PCLO: variants seen among roughly 807,000 people sequenced by gnomAD.
PCLO encodes the protein piccolo presynaptic cytomatrix protein.
In PCLO, 82 loss-of-function variants were observed where a neutral mutation model predicts 427.5. The ratio of observed to expected loss-of-function variants is 0.19; its 90% confidence interval spans 0.16 to 0.23. The LOEUF (loss-of-function observed/expected upper bound fraction) is 0.23, where lower values mean the gene tolerates loss of function less well. Ranked by LOEUF, PCLO falls within the 10% of genes least tolerant of loss-of-function variation. PCLO has a pLI of 1.00. For synonymous variants in PCLO, 2,357 were observed against 2,155.4 expected, an observed-to-expected ratio of 1.09 and a Z score of -2.59; for missense variants, 6,239 against 6,115.9, an observed-to-expected ratio of 1.02 and a Z score of -0.67.
At chr7:83,122,153 C>T (rs1247995750) in intron 3 of PCLO, among the ~76,000 whole-genome samples, 1 of 152,098 alleles carries the variant, frequency 6.6e-6, no homozygotes, top group Non-Finnish European at 1.5e-5. Flanking sequence ...AGAAGGAACA[C>T]ACCACGACAC....
At chr7:83,092,247 G>A (rs1358644051) in intron 3 of PCLO, among the ~76,000 whole-genome samples, 1 of 152,046 alleles carries the variant, frequency 6.6e-6, no homozygotes, top group Non-Finnish European at 1.5e-5. Flanking sequence ...CTGAAATACT[G>A]CCATTAGAGA....
chr7:83,146,224 G>C (rs561842271), intron 2 of PCLO, among the ~76,000 whole-genome samples: 3 of 152,260 alleles, frequency 2.0e-5, no homozygotes, highest in African/African-American at 7.2e-5. Flanking sequence ...AAGGTAACAA[G>C]ATATACTTTT....
chr7:82,804,584 T>A (rs138554931), intron 21 of PCLO, among the ~76,000 whole-genome samples: 49 of 152,194 alleles, frequency 3.2e-4, no homozygotes, highest in African/African-American at 1.2e-3. Context: ...ACAACCCAGC[T>A]CAGGGTTGGC....
intron 9 of PCLO, among the ~76,000 whole-genome samples, chr7:82,894,891 G>C (rs948852293): frequency 5.9e-5 from 9 of 152,042 alleles, no homozygotes; most frequent in Admixed American, 3.9e-4. Flanking sequence ...TGAAGGCTGA[G>C]TGCATGTTTG....
At chr7:83,108,812 T>C (rs780072084) in intron 3 of PCLO, among the ~76,000 whole-genome samples, 11 of 152,106 alleles carry the variant, frequency 7.2e-5, no homozygotes, top group Non-Finnish European at 1.0e-4. Flanking sequence ...CTAATGGTAA[T>C]AGTAATATGA....
intron 10 of PCLO, among the ~76,000 whole-genome samples, chr7:82,876,162 T>C (rs1324477534): frequency 6.6e-6 from 1 of 152,138 alleles, no homozygotes; most frequent in Non-Finnish European, 1.5e-5. Context: ...TTTATTTACA[T>C]ATGTATAATT....
chr7:82,984,829 T>C (rs537190371), intron 3 of PCLO, among the ~76,000 whole-genome samples: 2 of 152,084 alleles, frequency 1.3e-5, no homozygotes, highest in East Asian at 3.9e-4. Context: ...CCTAGTTATT[T>C]GAATGAATAT....
Position 82,951,387 on chromosome 7 carries a change from T to C in PCLO, c.9201A>G (p.Arg3067=), listed in dbSNP as rs746787026. 1 of 1,603,248 alleles carries C rather than the reference T, an allele frequency of 6.2e-7. No homozygotes were observed. Among genetic ancestry groups the C allele is most frequent in the South Asian group, 1.1e-5 (1 of 89,140 alleles). The change falls in exon 6 of 25, where the codon AGA becomes AGG. Residue 3067 remains arginine, a synonymous_variant. Coordinates refer to ENST00000333891, the MANE Select transcript of PCLO (RefSeq NM_033026.6). Reference sequence around the variant, plus strand: ...ACTGGGGTCCTGGTGGTGGTGTCATTCTTGCTGTGGAATACTGTGGGGTAC... The same window carrying C: ...ACTGGGGTCCTGGTGGTGGTGTCATCCTTGCTGTGGAATACTGTGGGGTAC... ...GISTPQYSTA[R]MTPPPGPQYC...
chr7:83,148,285 G>A (rs1275839885), intron 2 of PCLO, among the ~76,000 whole-genome samples: 1 of 152,050 alleles, frequency 6.6e-6, no homozygotes, highest in Non-Finnish European at 1.5e-5. Context: ...AGGGAGTGAG[G>A]GAACCCTACA....
chr7:83,134,242 T>TATATATATATAA lies in PCLO; in HGVS notation c.3300+7_3300+8insTTATATATATAT, dbSNP rs746054139. ...TAATATATATATATATATATATATA[T>TATATATATATAA]AACTTACCTCAGTCAAATGTGGTGT... On this transcript the variant is annotated splice_region_variant and intron_variant, in intron 3 of 24. Transcript: ENST00000333891. 6.5e-6 allele frequency: 7 copies of TATATATATATAA among 1,069,006 alleles called. No homozygotes were observed. Among genetic ancestry groups the TATATATATATAA allele is most frequent in the Middle Eastern group, 2.5e-4 (1 of 3,976 alleles). The allele number at this position is 1,069,006 out of a possible 1,614,324, so 66.2% of individuals were successfully genotyped here.
At chr7:82,853,772 T>C (rs1354211714) in intron 10 of PCLO, among the ~76,000 whole-genome samples, 1 of 152,178 alleles carries the variant, frequency 6.6e-6, no homozygotes. Context: ...GGTTATTTAC[T>C]AGTTGTTGTG....
intron 22 of PCLO, among the ~76,000 whole-genome samples, chr7:82,794,517 G>A (rs1791184853): frequency 1.1e-5 from 1 of 87,044 alleles, no homozygotes; most frequent in South Asian, 4.5e-4. Context: ...TGTCATCCAG[G>A]CTAGAGTGCA....
chr7:82,893,348 T>A lies in PCLO; in HGVS notation c.13528+9303A>T, dbSNP rs575508413. On this transcript the variant is annotated intron_variant, in intron 9 of 24. Transcript: ENST00000333891. ...ACAAAAAACCAAACACTGCATGTTC[T>A]CATTCATAGGTGGGAACTGAACAAT... Among the ~76,000 whole-genome samples, 38 of 152,124 alleles carry A rather than the reference T, an allele frequency of 2.5e-4. 1 individual carries two copies. Among genetic ancestry groups the A allele is most frequent in the African/African-American group, 8.4e-4 (35 of 41,528 alleles).
intron 9 of PCLO, among the ~76,000 whole-genome samples, chr7:82,883,383 A>G (rs1307444780): frequency 6.6e-6 from 1 of 152,210 alleles, no homozygotes; most frequent in Non-Finnish European, 1.5e-5. Context: ...CAAATTATAC[A>G]TAAAAGTGTT....
At chr7:83,067,501 A>C (rs2116338733) in intron 3 of PCLO, among the ~76,000 whole-genome samples, 1 of 152,244 alleles carries the variant, frequency 6.6e-6, no homozygotes, top group East Asian at 1.9e-4. Flanking sequence ...GTATTGTAAT[A>C]AAGACAAAGA....
chr7:82,916,891 A>G lies in PCLO; in HGVS notation c.11113-18T>C. The stretch of plus-strand genomic sequence containing the variant: ...CCTTTAGTCTATAATCAAGTAAACA[A>G]AATATAGTACTTTAGTATAAAGAAA... On this transcript the variant is annotated intron_variant, in intron 6 of 24. Coordinates refer to ENST00000333891, the MANE Select transcript of PCLO (RefSeq NM_033026.6). The G allele has an allele frequency of 6.4e-7, 1 of 1,559,556 alleles. No individual in the cohort carries two copies. Among genetic ancestry groups the G allele is most frequent in the Non-Finnish European group, 8.7e-7 (1 of 1,143,898 alleles).
intron 9 of PCLO, among the ~76,000 whole-genome samples, chr7:82,901,918 AG>A (rs1794050944): frequency 6.6e-6 from 1 of 151,520 alleles, no homozygotes; most frequent in Admixed American, 6.6e-5. Flanking sequence ...TTAAAAAGTC[AG>A]GAAACAACAG....
At chr7:82,819,702 C>G (rs1342209302) in intron 20 of PCLO, among the ~76,000 whole-genome samples, 2 of 152,062 alleles carry the variant, frequency 1.3e-5, no homozygotes, top group Non-Finnish European at 2.9e-5. Context: ...GGAAACACCT[C>G]AGTGGTTTAC....
intron 3 of PCLO, among the ~76,000 whole-genome samples, chr7:82,971,758 A>G (rs1454011141): frequency 6.7e-6 from 1 of 149,680 alleles, no homozygotes; most frequent in Non-Finnish European, 1.5e-5. Flanking sequence ...ATATATATAT[A>G]TATGTACTGA....
Sources: allele counts gnomAD v4.1 joint callset (sites outside exome capture counted in the v4.1 genomes callset), GRCh38; gene constraint gnomAD v4.1.1; transcripts MANE v1.5; gene names NCBI Gene and HGNC (gene_info 2026-07-23, HGNC 2026-07-21).